The following GABRA2 variants were observed in gnomAD, a reference collection of about 807,000 sequenced individuals.
GABRA2 encodes the protein gamma-aminobutyric acid receptor subunit alpha-2.
GABRA2 carries 16 observed loss-of-function variants against 48.7 expected under a neutral mutation model. The ratio of observed to expected loss-of-function variants is 0.33; its 90% CI spans 0.22 to 0.50. The LOEUF (loss-of-function observed/expected upper bound fraction) is 0.50, where lower values mean the gene tolerates loss of function less well. GABRA2 is among the 20% of genes least tolerant of loss of function. The pLI is 0.98. For synonymous variants in GABRA2, 185 were observed against 184.5 expected (o/e 1.00, Z -0.02); for missense variants, 275 against 535.6 (o/e 0.51, Z 4.80).
intron 8 of GABRA2, among the ~76,000 whole-genome samples, chr4:46,287,085 G>A (rs1433133095): frequency 6.6e-6 from 1 of 152,036 alleles, no homozygotes; most frequent in Non-Finnish European, 1.5e-5. Context: ...TATGTGCTAT[G>A]TTGAGATGTC....
intron 8 of GABRA2, among the ~76,000 whole-genome samples, chr4:46,292,462 G>T (rs1723857922): frequency 6.6e-6 from 1 of 152,222 alleles, no homozygotes; most frequent in South Asian, 2.1e-4. Context: ...ATGAAGATGT[G>T]TAGGAGGACC....
chr4:46,354,661 C>T (rs1351042306), intron 3 of GABRA2, among the ~76,000 whole-genome samples: 1 of 152,078 alleles, frequency 6.6e-6, no homozygotes, highest in Admixed American at 6.6e-5. Flanking sequence ...TTAAAATGAG[C>T]CAGGTGGCTT....
Position 46,312,482 on chromosome 4 carries a change from AC to A in GABRA2, c.476+13del. 6.4e-7 allele frequency: 1 copy of A among 1,564,170 alleles called. No homozygotes were observed. Among genetic ancestry groups the A allele is most frequent in the Admixed American group, 1.7e-5 (1 of 58,162 alleles). On this transcript the variant is annotated intron_variant, in intron 5 of 9. Coordinates refer to ENST00000381620, the MANE Select transcript of GABRA2 (RefSeq NM_000807.4). ...TCAGTATATAAATACATCACATCAAACCTAAAAACATACCTCATGGTATACA... is the reference window on the plus strand; with the variant it reads ...TCAGTATATAAATACATCACATCAAACTAAAAACATACCTCATGGTATACA...
intron 3 of GABRA2, among the ~76,000 whole-genome samples, chr4:46,360,159 A>T (rs1712930236): frequency 1.3e-5 from 2 of 152,218 alleles, no homozygotes; most frequent in Non-Finnish European, 2.9e-5. Context: ...GATTGTGGTG[A>T]TGGTATCACA....
chr4:46,341,340 T>C (rs1733188172), intron 3 of GABRA2, among the ~76,000 whole-genome samples: 1 of 152,020 alleles, frequency 6.6e-6, no homozygotes, highest in Non-Finnish European at 1.5e-5. Context: ...AAATACTATA[T>C]GATAACTCTA....
At chr4:46,301,018 T>A (rs1176098010) in intron 8 of GABRA2, among the ~76,000 whole-genome samples, 16 of 152,166 alleles carry the variant, frequency 1.1e-4, no homozygotes, top group Admixed American at 1.0e-3. Flanking sequence ...TAGCTTTAGT[T>A]ACGCAAGATA....
rs1353585742 is a variant in GABRA2, at chr4:46,245,112, A to G, written c.*5196T>C. Among the ~76,000 whole-genome samples, 4 of 151,434 alleles carry G rather than the reference A, an allele frequency of 2.6e-5. No individual in the cohort carries two copies. The highest frequency in any genetic ancestry group is 4.4e-5 in the Non-Finnish European group (3 of 67,520). On this transcript the variant is annotated 3_prime_UTR_variant, in exon 10 of 10. Coordinates refer to ENST00000381620, the MANE Select transcript of GABRA2 (RefSeq NM_000807.4). ...TGTTGGTGTACTATATAGAAATCCTAGATTTCCAGAGCTTCAAGAATCACA... is the reference window on the plus strand; with the variant it reads ...TGTTGGTGTACTATATAGAAATCCTGGATTTCCAGAGCTTCAAGAATCACA...
At chr4:46,318,382 T>C (rs1728897409) in intron 4 of GABRA2, among the ~76,000 whole-genome samples, 1 of 151,428 alleles carries the variant, frequency 6.6e-6, no homozygotes, top group Admixed American at 6.6e-5. Context: ...AGTTTTTGTA[T>C]GTTTTGTTTT....
intron 3 of GABRA2, among the ~76,000 whole-genome samples, chr4:46,343,415 T>C (rs561785722): frequency 6.6e-6 from 1 of 151,938 alleles, no homozygotes; most frequent in Non-Finnish European, 1.5e-5. Flanking sequence ...ATACCAGTGA[T>C]ATAAAGAGGT....
intron 3 of GABRA2, among the ~76,000 whole-genome samples, chr4:46,335,093 C>G (rs1731989248): frequency 6.6e-6 from 1 of 151,940 alleles, no homozygotes; most frequent in Non-Finnish European, 1.5e-5. Flanking sequence ...ATGATCAAAA[C>G]TCAATCTTTG....
intron 3 of GABRA2, among the ~76,000 whole-genome samples, chr4:46,358,666 T>C (rs1001976848): frequency 6.6e-6 from 1 of 152,174 alleles, no homozygotes; most frequent in African/African-American, 2.4e-5. Context: ...TAGAAATGGT[T>C]GAACTACCAC....
chr4:46,387,510 A>G (rs1717630672), intron 2 of GABRA2, among the ~76,000 whole-genome samples: 1 of 152,184 alleles, frequency 6.6e-6, no homozygotes, highest in Admixed American at 6.5e-5. Context: ...AAATAAGTGT[A>G]TCACTTTATA....
At chr4:46,344,745 AATGAGTAAGGAGCGTAT>A (rs1181842204) in intron 3 of GABRA2, among the ~76,000 whole-genome samples, 1 of 151,898 alleles carries the variant, frequency 6.6e-6, no homozygotes, top group Admixed American at 6.6e-5. Flanking sequence ...TTATATCAGG[AATGAGTAAGGAGCGTAT>A]TTAAACAAAT....
rs12510993 is a variant in GABRA2, at chr4:46,276,725, G to A, written c.857-14597C>T. Reference sequence around the variant, plus strand: ...GGTGCTGACCTGCTGTTTGATAATAGAGTAGGATTTTAACACCTGTGTGTC... The same window carrying A: ...GGTGCTGACCTGCTGTTTGATAATAAAGTAGGATTTTAACACCTGTGTGTC... On this transcript the variant is annotated intron_variant, in intron 8 of 9. Transcript: ENST00000381620. Among the ~76,000 whole-genome samples the A allele has an allele frequency of 7.6e-3, 1,162 of 152,126 alleles. 7 individuals are homozygous for A. Among genetic ancestry groups the A allele is most frequent in the Non-Finnish European group, 0.012 (802 of 67,982 alleles).
chr4:46,362,084 G>T (rs533546307), intron 3 of GABRA2, among the ~76,000 whole-genome samples: 1 of 152,284 alleles, frequency 6.6e-6, no homozygotes, highest in Non-Finnish European at 1.5e-5. Context: ...GATGAAATCA[G>T]TTAAGACTTT....
intron 3 of GABRA2, among the ~76,000 whole-genome samples, chr4:46,354,042 A>T (rs1271352453): frequency 6.6e-6 from 1 of 152,192 alleles, no homozygotes; most frequent in Non-Finnish European, 1.5e-5. Flanking sequence ...TTAATAAAAA[A>T]TAGTGTCCTT....
At chr4:46,348,294 T>C (rs1356441333) in intron 3 of GABRA2, among the ~76,000 whole-genome samples, 1 of 151,868 alleles carries the variant, frequency 6.6e-6, no homozygotes, top group Non-Finnish European at 1.5e-5. Context: ...GGAGAGGATG[T>C]GGAGAAATAG....
At chr4:46,363,753 AT>A (rs745629143) in intron 3 of GABRA2, 15 of 152,188 alleles carry the variant, frequency 9.9e-5, no homozygotes, top group Non-Finnish European at 1.9e-4. Context: ...AGCAAGGATG[AT>A]AAAAATAAAA....
chr4:46,336,644 T>C (rs573221729), intron 3 of GABRA2, among the ~76,000 whole-genome samples: 13 of 152,312 alleles, frequency 8.5e-5, no homozygotes, highest in African/African-American at 3.1e-4. Flanking sequence ...AAGTAATGCA[T>C]GTGGCATACA....
Sources: allele counts gnomAD v4.1 joint callset (sites outside exome capture counted in the v4.1 genomes callset), GRCh38; gene constraint gnomAD v4.1.1; transcripts MANE v1.5; gene names NCBI Gene and HGNC (gene_info 2026-07-23, HGNC 2026-07-21).